The following ZNF407 variants were observed in gnomAD, a reference collection of about 807,000 sequenced individuals.
ZNF407 encodes zinc finger protein 407.
Under a neutral mutation model 131.2 loss-of-function variants are expected in ZNF407, and 17 were observed. The ratio of observed to expected loss-of-function variants is 0.13; its 90% CI spans 0.09 to 0.19. ZNF407 has a LOEUF of 0.19. Ranked by LOEUF, ZNF407 falls within the 10% of genes least tolerant of loss-of-function variation. The probability of loss-of-function intolerance (pLI) is 1.00; values close to 1 mark genes in which losing one functional copy is unlikely to be tolerated. For synonymous variants in ZNF407, 1,156 were observed against 1,062.0 expected (o/e 1.09, Z -1.72); for missense variants, 2,681 against 2,830.6 (o/e 0.95, Z 1.20).
intron 3 of ZNF407, among the ~76,000 whole-genome samples, chr18:74,685,018 A>G (rs746943140): frequency 2.6e-5 from 4 of 152,228 alleles, no homozygotes; most frequent in African/African-American, 4.8e-5. Context: ...TGTGGCACTC[A>G]TCATAAACAT....
At chr18:74,877,392 A>C (rs779115603) in intron 5 of ZNF407, 29 bp downstream of exon 5, 1 of 1,606,636 alleles carries the variant, frequency 6.2e-7, no homozygotes, top group Non-Finnish European at 8.5e-7. Context: ...CTATCCCAGG[A>C]GGCTGGGCAG....
At chr18:74,722,168 A>G (rs1392037494) in intron 3 of ZNF407, among the ~76,000 whole-genome samples, 1 of 151,784 alleles carries the variant, frequency 6.6e-6, no homozygotes, top group Non-Finnish European at 1.5e-5. Context: ...TGTTTCATCA[A>G]ATTTGAGGAA....
Position 75,063,592 on chromosome 18 carries a change from C to G in ZNF407, c.5871C>G (p.Leu1957=). ...SMEGHGMDES[L]SPGGAVIQQV... Reference sequence around the variant, plus strand: ...AAGGCCACGGCATGGATGAGTCCCTCAGTCCAGGTGGCGCTGTGATACAAC... The same window carrying G: ...AAGGCCACGGCATGGATGAGTCCCTGAGTCCAGGTGGCGCTGTGATACAAC... Residue 1957 remains leucine (L), a synonymous_variant, in exon 9 of 9, where the codon CTC becomes CTG. Coordinates refer to ENST00000299687, the MANE Select transcript of ZNF407 (RefSeq NM_017757.3). This position sits in a 1 kb window ranked among gnomAD's most constrained non-coding sequence, Gnocchi z 6.6. The G allele has an allele frequency of 6.4e-7, 1 of 1,571,042 alleles. No homozygotes were observed. Among genetic ancestry groups the G allele is most frequent in the Non-Finnish European group, 8.6e-7 (1 of 1,159,670 alleles).
chr18:74,737,100 AAAATT>A (rs1968433983), intron 3 of ZNF407, among the ~76,000 whole-genome samples: 1 of 152,212 alleles, frequency 6.6e-6, no homozygotes, highest in Non-Finnish European at 1.5e-5. Flanking sequence ...GTTTTGTAAT[AAAATT>A]GTACGATGAG....
intron 8 of ZNF407, among the ~76,000 whole-genome samples, chr18:75,002,818 A>C (rs946122127): frequency 6.6e-6 from 1 of 151,992 alleles, no homozygotes; most frequent in African/African-American, 2.4e-5. Flanking sequence ...AAAAAAAAAA[A>C]AAAGAGGTCA....
rs137939850 is a variant in ZNF407, at chr18:74,929,389, TA to T, written c.5428+8708del. 4.6e-3 allele frequency among the ~76,000 whole-genome samples: 664 copies of T among 145,816 alleles called. 5 individuals carry two copies. The highest frequency in any genetic ancestry group is 9.5e-3 in the East Asian group (48 of 5,052). On this transcript the variant is annotated intron_variant, in intron 8 of 8. Transcript: ENST00000299687. ...ACTGGATTTTGAAAGTTAAAACAGT[TA>T]AAAAAAAAAAGTAAACAAAATTGAA...
At chr18:74,658,704 G>T (rs59289364) in intron 3 of ZNF407, among the ~76,000 whole-genome samples, 3,286 of 152,138 alleles carry the variant, frequency 0.022, 109 homozygotes, top group African/African-American at 0.072. Flanking sequence ...CTAAGATTGG[G>T]GATATTCCTG....
chr18:74,747,104 A>G (rs1461321145), intron 3 of ZNF407, among the ~76,000 whole-genome samples: 2 of 152,182 alleles, frequency 1.3e-5, no homozygotes, highest in East Asian at 1.9e-4. Context: ...AAAACATTAC[A>G]TGGTATGTGA....
chr18:74,880,981 AT>A, intron 5 of ZNF407, 54 bp from the exon 6 acceptor site: 1 of 1,439,336 alleles, frequency 6.9e-7, no homozygotes, highest in Non-Finnish European at 9.6e-7. Context: ...CTTGATAGAT[AT>A]GTTTTAATGA....
chr18:74,737,190 G>T (rs1265537688), intron 3 of ZNF407, among the ~76,000 whole-genome samples: 1 of 152,080 alleles, frequency 6.6e-6, no homozygotes, highest in African/African-American at 2.4e-5. Flanking sequence ...AATGTTGGAG[G>T]CATTTTTGAT....
chr18:75,043,862 C>T (rs1035257693), intron 8 of ZNF407, among the ~76,000 whole-genome samples: 4 of 152,050 alleles, frequency 2.6e-5, no homozygotes, highest in Non-Finnish European at 4.4e-5. Flanking sequence ...GGCAGGTATC[C>T]GGATATAAAA....
intron 1 of ZNF407, among the ~76,000 whole-genome samples, chr18:74,599,225 C>T (rs1417440198): frequency 6.6e-6 from 1 of 152,198 alleles, no homozygotes; most frequent in African/African-American, 2.4e-5. Flanking sequence ...AAAATTACTG[C>T]TACTGGTACA....
chr18:74,889,862 C>A, intron 6 of ZNF407, 56 bp from the exon 7 acceptor site: 1 of 1,505,542 alleles, frequency 6.6e-7, no homozygotes, highest in Non-Finnish European at 9.0e-7. Context: ...CAGGTTTATT[C>A]CTTCATTTCC....
At chr18:74,856,317 C>T (rs911281821) in intron 4 of ZNF407, among the ~76,000 whole-genome samples, 1 of 152,224 alleles carries the variant, frequency 6.6e-6, no homozygotes, top group Non-Finnish European at 1.5e-5. Flanking sequence ...CTAAGGAGCT[C>T]GGCCCCAATT....
At chr18:74,944,656 T>C (rs148481694) in intron 8 of ZNF407, among the ~76,000 whole-genome samples, 6 of 152,342 alleles carry the variant, frequency 3.9e-5, no homozygotes, top group Admixed American at 1.3e-4. Flanking sequence ...AGCAATCACA[T>C]TTAGCTTTTT....
intron 8 of ZNF407, among the ~76,000 whole-genome samples, chr18:75,030,311 A>G (rs572129093): frequency 6.6e-6 from 1 of 152,346 alleles, no homozygotes. Flanking sequence ...ATACATTATT[A>G]TTATACATTA....
intron 2 of ZNF407, among the ~76,000 whole-genome samples, chr18:74,636,527 A>T (rs535437545): frequency 6.6e-6 from 1 of 152,206 alleles, no homozygotes; most frequent in Non-Finnish European, 1.5e-5. Context: ...TGAATAATAA[A>T]TTCACATTTC....
intron 3 of ZNF407, among the ~76,000 whole-genome samples, chr18:74,702,079 A>C (rs183084945): frequency 3.3e-5 from 5 of 152,182 alleles, no homozygotes; most frequent in Admixed American, 1.3e-4. Flanking sequence ...CTATTTTTGA[A>C]TGCTCTTCTA....
Position 74,634,844 on chromosome 18 carries a change from A to T in ZNF407, c.3825A>T (p.Gly1275=). The change falls in exon 2 of 9, where the codon GGA becomes GGT. Residue 1275 remains glycine, a synonymous_variant. Transcript: ENST00000299687. The part of the protein sequence containing the change: ...LVVTRITREQ[G]NLESGGQNRV... Reference sequence around the variant, plus strand: ...TGACAAGAATAACCAGAGAACAGGGAAATCTGGAGAGCGGGGGTCAGAACA... The same window carrying T: ...TGACAAGAATAACCAGAGAACAGGGTAATCTGGAGAGCGGGGGTCAGAACA... 6.2e-7 allele frequency: 1 copy of T among 1,613,874 alleles called. No homozygotes were observed. Among genetic ancestry groups the T allele is most frequent in the Non-Finnish European group, 8.5e-7 (1 of 1,179,814 alleles).
Sources: gnomAD v4.1 joint callset for allele counts (sites outside exome capture counted in the v4.1 genomes callset) on GRCh38, gnomAD v4.1.1 for gene constraint, Gnocchi (gnomAD v3.1) non-coding constraint, MANE v1.5 for transcripts, NCBI Gene and HGNC (gene_info 2026-07-23, HGNC 2026-07-21) for gene names.